Variants in LYZL4 observed in about 807,000 individuals in gnomAD.
The protein encoded by LYZL4 is lysozyme like 4.
A neutral mutation model predicts 17.6 loss-of-function variants in LYZL4; 13 were observed. The observed-to-expected ratio is 0.74, with a 90% CI of 0.48 to 1.18. The LOEUF (loss-of-function observed/expected upper bound fraction) is 1.18, where lower values mean the gene tolerates loss of function less well. Among genes scored for constraint, LYZL4 ranks in the 50% most tolerant of loss-of-function variants. The pLI, the probability that LYZL4 is intolerant of heterozygous loss-of-function variation, is 0.00. For missense variants in LYZL4, 174 were observed against 188.2 expected (o/e 0.92, Z 0.44); for synonymous variants, 64 against 67.7 (o/e 0.95, Z 0.27).
At chr3:42,373,542 G>T in the LYZL4 span, among the ~76,000 whole-genome samples, 1 of 152,150 alleles carries the variant, frequency 6.6e-6, no homozygotes, top group Non-Finnish European at 1.5e-5. Context: ...CATGGGCGTG[G>T]GGGAGGGTGT....
chr3:42,387,916 C>T, the LYZL4 span, among the ~76,000 whole-genome samples: 2 of 152,170 alleles, frequency 1.3e-5, no homozygotes, highest in African/African-American at 4.8e-5. Context: ...CTCACTGGGC[C>T]ACAGAGACCT....
At chr3:42,385,215 TC>T in the LYZL4 span, among the ~76,000 whole-genome samples, 1 of 152,202 alleles carries the variant, frequency 6.6e-6, no homozygotes, top group South Asian at 2.1e-4. Context: ...GTCTTTTGCC[TC>T]TTTTCAAGGA....
chr3:42,409,544 C>G (rs990984245), intron 1 of LYZL4, among the ~76,000 whole-genome samples: 3 of 152,216 alleles, frequency 2.0e-5, no homozygotes, highest in Non-Finnish European at 4.4e-5. Flanking sequence ...CCCTCTCCCC[C>G]AGAAGCCAGT....
the LYZL4 span, among the ~76,000 whole-genome samples, chr3:42,381,173 T>G: frequency 6.6e-6 from 1 of 151,982 alleles, no homozygotes; most frequent in African/African-American, 2.4e-5. Flanking sequence ...AGGTCTAGAG[T>G]GGTTTGTTAC....
the LYZL4 span, among the ~76,000 whole-genome samples, chr3:42,363,613 A>G: frequency 6.6e-6 from 1 of 152,222 alleles, no homozygotes; most frequent in East Asian, 1.9e-4. Flanking sequence ...AAAATCAAGC[A>G]TCAATCCCAC....
chr3:42,407,405 A>G (rs775039424), intron 1 of LYZL4, 62 bp from the exon 2 acceptor site: 3 of 905,112 alleles, frequency 3.3e-6, no homozygotes, highest in Non-Finnish European at 5.0e-6. Flanking sequence ...CTCACCTGGT[A>G]AGCCATGACA....
rs1698769478 is a variant in LYZL4 at position 42,407,100 on chromosome 3, G to A, written c.139+13C>T. On this transcript the variant is annotated intron_variant, in intron 2 of 4. Transcript: ENST00000287748. The stretch of plus-strand genomic sequence containing the variant: ...GAGGTGAGAGGAGGGAGCACTAAGT[G>A]GGGCCTACTCACAGTTCTCAAGGCT... The A allele has an allele frequency of 1.9e-6, 3 of 1,614,096 alleles. No homozygotes were observed. In the East Asian group the frequency reaches 6.7e-5, roughly 36 times the overall value.
the LYZL4 span, among the ~76,000 whole-genome samples, chr3:42,388,066 T>C: frequency 6.6e-6 from 1 of 151,960 alleles, no homozygotes; most frequent in East Asian, 1.9e-4. Flanking sequence ...TCTCTCCTTT[T>C]CCCCCCTGTT....
the LYZL4 span, among the ~76,000 whole-genome samples, chr3:42,365,046 A>G: frequency 6.6e-6 from 1 of 152,240 alleles, no homozygotes; most frequent in African/African-American, 2.4e-5. Context: ...TTCATCTTCA[A>G]CATGTCAGTG....
At chr3:42,363,417 C>T in the LYZL4 span, among the ~76,000 whole-genome samples, 2 of 152,186 alleles carry the variant, frequency 1.3e-5, no homozygotes, top group South Asian at 2.1e-4. Context: ...GGTGAAGTAT[C>T]GTGATAGCTG....
chr3:42,366,872 A>C, the LYZL4 span, among the ~76,000 whole-genome samples: 2 of 152,232 alleles, frequency 1.3e-5, no homozygotes, highest in African/African-American at 4.8e-5. Context: ...ACCTATGAAC[A>C]ACCCACACTG....
the LYZL4 span, among the ~76,000 whole-genome samples, chr3:42,383,936 A>G: frequency 3.9e-5 from 6 of 152,224 alleles, no homozygotes; most frequent in Admixed American, 3.9e-4. Context: ...ATCAAAAATC[A>G]TAAAAGAAAA....
chr3:42,375,963 G>A, the LYZL4 span, among the ~76,000 whole-genome samples: 15 of 152,210 alleles, frequency 9.9e-5, no homozygotes, highest in South Asian at 2.1e-4. Context: ...GGTGTGTATC[G>A]ACAGCACCTC....
At chr3:42,410,099 C>T (rs1698836501) in intron 1 of LYZL4, among the ~76,000 whole-genome samples, 1 of 152,144 alleles carries the variant, frequency 6.6e-6, no homozygotes, top group Admixed American at 6.5e-5. Flanking sequence ...TTCTTCATAC[C>T]ATTAATCAAT....
downstream of LYZL4, among the ~76,000 whole-genome samples, chr3:42,395,676 T>A (rs899599934): frequency 1.3e-5 from 2 of 152,206 alleles, no homozygotes; most frequent in African/African-American, 4.8e-5. Flanking sequence ...TAAATATATG[T>A]TGTTGGGGTA....
chr3:42,364,370 C>T, the LYZL4 span, among the ~76,000 whole-genome samples: 944 of 120,714 alleles, frequency 7.8e-3, 13 homozygotes, highest in African/African-American at 0.03. Context: ...CAGGCGGAGT[C>T]TTGCTCTTGT....
chr3:42,393,516 C>T (rs573902433), downstream of LYZL4, among the ~76,000 whole-genome samples: 6 of 152,304 alleles, frequency 3.9e-5, no homozygotes, highest in East Asian at 1.2e-3. Context: ...CTAGCGCAGC[C>T]AGGGTCACTC....
chr3:42,377,623 C>G, the LYZL4 span, among the ~76,000 whole-genome samples: 1 of 92,530 alleles, frequency 1.1e-5, no homozygotes, highest in Non-Finnish European at 2.1e-5. Flanking sequence ...ATGCATGACT[C>G]TCTGTGTGTG....
the LYZL4 span, among the ~76,000 whole-genome samples, chr3:42,381,744 C>T: frequency 1.3e-5 from 2 of 152,170 alleles, no homozygotes; most frequent in South Asian, 2.1e-4. Flanking sequence ...GTGGAGATCA[C>T]TGTAAAATAT....
Sources: allele counts gnomAD v4.1 joint callset (sites outside exome capture counted in the v4.1 genomes callset), GRCh38; gene constraint gnomAD v4.1.1; transcripts MANE v1.5; gene names NCBI Gene and HGNC (gene_info 2026-07-23, HGNC 2026-07-21).